Variants in PLA2G1B observed in about 807,000 individuals in gnomAD.
PLA2G1B encodes phospholipase A2 group IB.
In PLA2G1B, 12 loss-of-function variants were observed where a neutral mutation model predicts 12.5. The observed-to-expected ratio is 0.96, with a 90% CI of 0.62 to 1.56. The LOEUF is 1.56. PLA2G1B is among the 40% of genes most tolerant of loss of function. The probability of loss-of-function intolerance (pLI) is 0.00; values close to 1 mark genes in which losing one functional copy is unlikely to be tolerated. For synonymous variants in PLA2G1B, 81 were observed against 73.4 expected (o/e 1.10, Z -0.53); for missense variants, 189 against 186.7 (o/e 1.01, Z -0.07).
intron 1 of PLA2G1B, among the ~76,000 whole-genome samples, chr12:120,326,256 A>C (rs1873345693): frequency 2.7e-5 from 4 of 145,632 alleles, no homozygotes; most frequent in South Asian, 2.1e-4. Context: ...ATATATATAT[A>C]TCTTCTTCTT....
intron 1 of PLA2G1B, 178 bp from the exon 2 acceptor site, chr12:120,326,198 T>A (rs1298629089): frequency 9.6e-6 from 4 of 418,816 alleles, no homozygotes; most frequent in African/African-American, 2.4e-5. Context: ...TTTTTTTTTT[T>A]AATGAAAACT....
chr12:120,322,185 G>A lies in PLA2G1B; in HGVS notation c.*8C>T. The A allele has an allele frequency of 1.2e-6, 2 of 1,613,790 alleles. No individual in the cohort carries two copies. Among genetic ancestry groups the A allele is most frequent in the Non-Finnish European group, 1.7e-6 (2 of 1,179,810 alleles). ...GCAGATAGAGGTGATGCTTTTGAGAGGTGATATTCAACTCTGACAATACTT... is the reference window on the plus strand; with the variant it reads ...GCAGATAGAGGTGATGCTTTTGAGAAGTGATATTCAACTCTGACAATACTT... On this transcript the variant is annotated 3_prime_UTR_variant, in exon 4 of 4. Transcript: ENST00000308366.
intron 1 of PLA2G1B, among the ~76,000 whole-genome samples, chr12:120,327,051 G>A (rs568481702): frequency 6.6e-6 from 1 of 152,136 alleles, no homozygotes; most frequent in South Asian, 2.1e-4. Context: ...AGAGCAGGAT[G>A]AGGAGAATCT....
intron 3 of PLA2G1B, among the ~76,000 whole-genome samples, chr12:120,323,825 T>G (rs1873284581): frequency 6.6e-6 from 1 of 152,084 alleles, no homozygotes; most frequent in Admixed American, 6.6e-5. Context: ...TGAGGCAATA[T>G]GAAAAAGTCA....
At position 120,325,077 on chromosome 12, in the gene PLA2G1B, G is replaced by A. The variant is rs1565875983; in HGVS notation, c.195-16C>T. On this transcript the variant is annotated splice_polypyrimidine_tract_variant and intron_variant, in intron 2 of 3. Transcript: ENST00000308366. ...CTGGCAGCACCTGGAAAGTGGGAGG[G>A]ACAGCTGAGATAGGAGTAAGTGCAG... The A allele has an allele frequency of 6.2e-7, 1 of 1,613,878 alleles. No individual in the cohort carries two copies. The highest frequency in any genetic ancestry group is 8.5e-7 in the Non-Finnish European group (1 of 1,179,950).
intron 2 of PLA2G1B, 61 bp from the exon 3 acceptor site, chr12:120,325,122 C>T (rs1196886759): frequency 6.3e-7 from 1 of 1,581,570 alleles, no homozygotes; most frequent in Non-Finnish European, 8.7e-7. Context: ...TCAGCCCTCA[C>T]CTGCCCACTC....
At chr12:120,323,250 T>G (rs1324113289) in intron 3 of PLA2G1B, among the ~76,000 whole-genome samples, 1 of 152,106 alleles carries the variant, frequency 6.6e-6, no homozygotes, top group Non-Finnish European at 1.5e-5. Flanking sequence ...GTTTTGTTTC[T>G]CTCCGATCCT....
chr12:120,323,950 A>G (rs886301556), intron 3 of PLA2G1B, among the ~76,000 whole-genome samples: 4 of 152,282 alleles, frequency 2.6e-5, no homozygotes, highest in East Asian at 1.9e-4. Context: ...GCATTCATCA[A>G]TTATTTATTG....
intron 2 of PLA2G1B, 73 bp downstream of exon 2, chr12:120,325,788 C>G: frequency 7.0e-7 from 1 of 1,424,998 alleles, no homozygotes; most frequent in Non-Finnish European, 9.8e-7. Flanking sequence ...TTGTATGCCT[C>G]GTGAGATCCT....
At chr12:120,324,502 C>CA (rs1009890346) in intron 3 of PLA2G1B, among the ~76,000 whole-genome samples, 2 of 151,372 alleles carry the variant, frequency 1.3e-5, no homozygotes, top group East Asian at 2.0e-4. Flanking sequence ...CCAGTCTCTA[C>CA]AAAAAAATTT....
chr12:120,322,582 T>C (rs7484571), intron 3 of PLA2G1B, among the ~76,000 whole-genome samples: 1 of 152,074 alleles, frequency 6.6e-6, no homozygotes, highest in Non-Finnish European at 1.5e-5. Flanking sequence ...CATCCTGTGT[T>C]TTTTTGTTTT....
intron 1 of PLA2G1B, 154 bp from the exon 2 acceptor site, chr12:120,326,174 T>G: frequency 5.7e-6 from 3 of 528,338 alleles, no homozygotes; most frequent in African/African-American, 2.8e-5. Flanking sequence ...AAAGTGAAAG[T>G]GGGTAGAGGT....
At chr12:120,322,398 T>C in intron 3 of PLA2G1B, 81 bp from the exon 4 acceptor site, 1 of 1,362,560 alleles carries the variant, frequency 7.3e-7, no homozygotes, top group Non-Finnish European at 1.0e-6. Context: ...TTAACTGGAA[T>C]AAGCTGGCAG....
At position 120,325,974 on chromosome 12, in the gene PLA2G1B, G is replaced by C; in HGVS notation, c.81C>G (p.Phe27Leu). 5.6e-6 allele frequency: 9 copies of C among 1,614,114 alleles called. No homozygotes were observed. Among genetic ancestry groups the C allele is most frequent in the Non-Finnish European group, 7.6e-6 (9 of 1,180,002 alleles). The change falls in exon 2 of 4, where the codon TTC becomes TTG. Residue 27 changes from phenylalanine (F) to leucine (L), a missense_variant. Physicochemically the swap from Phe to Leu is conservative, Grantham distance 22. Transcript: ENST00000308366. ...GGATCACGCACTTGATCATTTTGCG[G>C]AACTGCCACACGGCCCGAGGGCTGA... ...SGISPRAVWQ[F>L]RKMIKCVIPG...
At chr12:120,327,599 G>A (rs1592909696) in intron 1 of PLA2G1B, 121 bp downstream of exon 1, 1 of 980,524 alleles carries the variant, frequency 1.0e-6, no homozygotes, top group African/African-American at 1.6e-5. Context: ...TGGGAACCTC[G>A]AATTGAGACT....
Position 120,327,611 on chromosome 12 carries a change from C to T in PLA2G1B, c.34+109G>A, listed in dbSNP as rs1031659388. ...CACTGGGAACCTCGAATTGAGACTG[C>T]GGGGCTGGCCATCCCTGTTTGCTGT... On this transcript the variant is annotated intron_variant, in intron 1 of 3. Transcript: ENST00000308366. 9.4e-6 allele frequency: 10 copies of T among 1,067,416 alleles called. No homozygotes were observed. In the African/African-American group the frequency reaches 1.1e-4, roughly 12 times the overall value. 66.1% of individuals were successfully genotyped at this position (1,067,416 alleles called of 1,614,324 possible).
rs778999608 is a variant in PLA2G1B, at chr12:120,326,002, C to T, written c.53G>A (p.Gly18Asp). ...VLLTVAAADSGISPRAVWQFR... is the reference protein window; with the variant it reads ...VLLTVAAADSDISPRAVWQFR... The stretch of plus-strand genomic sequence containing the variant: ...CTGCCACACGGCCCGAGGGCTGATG[C>T]CGCTGTCGGCGGCGGCCACTGCAAG... Residue 18 changes from glycine (G) to aspartate (D), a missense_variant, in exon 2 of 4, where the codon GGC (glycine) becomes GAC (aspartate). Transcript: ENST00000308366. The T allele has an allele frequency of 8.1e-6, 13 of 1,613,972 alleles. No homozygotes were observed. Among genetic ancestry groups the T allele is most frequent in the Non-Finnish European group, 1.1e-5 (13 of 1,179,946 alleles).
intron 3 of PLA2G1B, among the ~76,000 whole-genome samples, chr12:120,324,102 AG>A (rs1873290779): frequency 6.6e-6 from 1 of 152,146 alleles, no homozygotes; most frequent in Non-Finnish European, 1.5e-5. Context: ...ACTTGAGGTC[AG>A]GAGTTTGAGA....
At chr12:120,325,823 G>A (rs747598517) in intron 2 of PLA2G1B, 38 bp downstream of exon 2, 49 of 1,604,776 alleles carry the variant, frequency 3.1e-5, no homozygotes, top group Admixed American at 8.4e-5. Flanking sequence ...CCCCGCCCCC[G>A]GCAGGCACTC....
Sources: gnomAD v4.1 joint callset for allele counts (sites outside exome capture counted in the v4.1 genomes callset) on GRCh38, gnomAD v4.1.1 for gene constraint, MANE v1.5 for transcripts, NCBI Gene and HGNC (gene_info 2026-07-23, HGNC 2026-07-21) for gene names.